Variants in BTBD9 observed in about 807,000 individuals in gnomAD.
BTBD9 encodes the protein BTB domain containing 9.
Under a neutral mutation model 64.3 loss-of-function variants are expected in BTBD9, and 49 were observed. The observed-to-expected ratio is 0.76, with a 90% CI of 0.61 to 0.97. The LOEUF (loss-of-function observed/expected upper bound fraction) is 0.97. Ranked by LOEUF, BTBD9 falls within the 50% of genes least tolerant of loss-of-function variation. BTBD9 has a pLI of 0.00. For synonymous variants in BTBD9, 260 were observed against 274.7 expected (o/e 0.95, Z 0.53); for missense variants, 598 against 762.1 (o/e 0.78, Z 2.53).
intron 7 of BTBD9, among the ~76,000 whole-genome samples, chr6:38,300,580 T>A (rs1183640779): frequency 6.6e-6 from 1 of 152,174 alleles, no homozygotes; most frequent in Admixed American, 6.5e-5. Context: ...TTCACATCCC[T>A]TGTAAGTTGG....
At chr6:38,404,587 T>C (rs755139325) in intron 6 of BTBD9, among the ~76,000 whole-genome samples, 11 of 152,156 alleles carry the variant, frequency 7.2e-5, no homozygotes, top group Admixed American at 1.3e-4. Context: ...TAACTCTTCA[T>C]CCCTGAGCCT....
intron 6 of BTBD9, among the ~76,000 whole-genome samples, chr6:38,475,881 C>A (rs1035924476): frequency 2.2e-4 from 34 of 152,108 alleles, no homozygotes; most frequent in African/African-American, 8.0e-4. Context: ...CTCTGAGAGT[C>A]TCAGAGAATC....
intron 6 of BTBD9, among the ~76,000 whole-genome samples, chr6:38,368,855 C>T (rs1765298945): frequency 6.6e-6 from 1 of 152,170 alleles, no homozygotes; most frequent in African/African-American, 2.4e-5. Context: ...GGGTATTCTT[C>T]AATCACAATT....
In BTBD9 at chr6:38,245,757, G is replaced by A. The variant is rs1307209620; in HGVS notation, c.1562+10652C>T. Among the ~76,000 whole-genome samples, 5 of 152,022 alleles carry A rather than the reference G, an allele frequency of 3.3e-5. No homozygotes were observed. The East Asian group carries it at 9.6e-4, about 29-fold the overall frequency. Reference sequence around the variant, plus strand: ...GTGGAACAGGTAAGTGATGATGGTAGGTGAACTAAATGTGATCTTGATTTA... The same window carrying A: ...GTGGAACAGGTAAGTGATGATGGTAAGTGAACTAAATGTGATCTTGATTTA... On this transcript the variant is annotated intron_variant, in intron 9 of 10. Transcript: ENST00000481247.
chr6:38,319,001 C>T (rs1763132569), intron 7 of BTBD9, among the ~76,000 whole-genome samples: 1 of 152,226 alleles, frequency 6.6e-6, no homozygotes, highest in Admixed American at 6.5e-5. Flanking sequence ...CTTCCCACCC[C>T]TTGCCCCAGC....
intron 6 of BTBD9, among the ~76,000 whole-genome samples, chr6:38,445,715 T>C (rs757272275): frequency 3.9e-5 from 6 of 152,224 alleles, no homozygotes; most frequent in Admixed American, 6.5e-5. Context: ...TCTAAATGAC[T>C]ATATATTGAA....
chr6:38,192,097 C>T (rs10947717), intron 10 of BTBD9, among the ~76,000 whole-genome samples: 12,159 of 152,310 alleles, frequency 0.08, 566 homozygotes, highest in Non-Finnish European at 0.11. Flanking sequence ...CGGAGGCACA[C>T]GCTTGACACA....
intron 9 of BTBD9, among the ~76,000 whole-genome samples, chr6:38,198,461 C>T (rs1045701722): frequency 5.9e-5 from 9 of 152,286 alleles, no homozygotes; most frequent in South Asian, 2.1e-4. Context: ...CCATAAGTGA[C>T]GAGAGAAAGG....
intron 6 of BTBD9, among the ~76,000 whole-genome samples, chr6:38,468,930 T>A (rs1301306150): frequency 1.3e-5 from 2 of 152,208 alleles, no homozygotes; most frequent in Non-Finnish European, 2.9e-5. Flanking sequence ...ACTTTGACTA[T>A]GTAGGGAAAA....
chr6:38,222,386 G>A lies in BTBD9; in HGVS notation c.1563-29789C>T, dbSNP rs185938025. Among the ~76,000 whole-genome samples the A allele has an allele frequency of 5.8e-3, 840 of 143,958 alleles. 2 individuals carry two copies. Among genetic ancestry groups the A allele is most frequent in the South Asian group, 9.8e-3 (42 of 4,290 alleles). The allele number at this position is 143,958 out of a possible 152,430, so 94.4% of individuals were successfully genotyped here. On this transcript the variant is annotated intron_variant, in intron 9 of 10. Coordinates refer to ENST00000481247, the MANE Select transcript of BTBD9 (RefSeq NM_001099272.2). ...CGCCATTCTCCTGCCTCAGCCTCCC[G>A]AGTAGCTGGGACTACAGGTGCCCGC...
At chr6:38,312,674 G>A (rs372632276) in intron 7 of BTBD9, among the ~76,000 whole-genome samples, 178 of 152,174 alleles carry the variant, frequency 1.2e-3, no homozygotes, top group African/African-American at 4.1e-3. Context: ...CCTTTTCTCC[G>A]GTATATATTC....
chr6:38,444,880 A>T (rs1769198165), intron 6 of BTBD9, among the ~76,000 whole-genome samples: 1 of 152,218 alleles, frequency 6.6e-6, no homozygotes, highest in South Asian at 2.1e-4. Flanking sequence ...AGATTTATTC[A>T]TTTATTCATA....
In BTBD9 at chr6:38,184,814, T is replaced by G. The variant is rs1029656408; in HGVS notation, c.1641+7705A>C. On this transcript the variant is annotated intron_variant, in intron 10 of 10. Coordinates refer to ENST00000481247, the MANE Select transcript of BTBD9 (RefSeq NM_001099272.2). The surrounding 1 kb of genome is among the most constrained non-coding windows in gnomAD (Gnocchi z 4.4). The stretch of plus-strand genomic sequence containing the variant: ...GTTTCCCTGTTTTGTTTTTTTCCAT[T>G]AGAGCCACATGTTGCTATGGGAACG... 1.3e-5 allele frequency among the ~76,000 whole-genome samples: 2 copies of G among 152,240 alleles called. No individual in the cohort carries two copies. The highest frequency in any genetic ancestry group is 2.1e-4 in the South Asian group (1 of 4,824).
At chr6:38,606,879 T>C (rs1301642545) in intron 1 of BTBD9, among the ~76,000 whole-genome samples, 1 of 152,138 alleles carries the variant, frequency 6.6e-6, no homozygotes, top group African/African-American at 2.4e-5. Flanking sequence ...ACATACCCAA[T>C]AAGTAGCAGA....
intron 6 of BTBD9, among the ~76,000 whole-genome samples, chr6:38,553,189 TTCTA>T (rs1354571714): frequency 6.6e-6 from 1 of 152,190 alleles, no homozygotes; most frequent in Non-Finnish European, 1.5e-5. Context: ...CTGCAGTTGG[TTCTA>T]TCTGTGGATA....
intron 9 of BTBD9, among the ~76,000 whole-genome samples, chr6:38,210,077 G>C (rs1762778101): frequency 6.6e-6 from 1 of 152,058 alleles, no homozygotes; most frequent in African/African-American, 2.4e-5. Context: ...GGGGAGACAG[G>C]GGAAGGGGGT....
chr6:38,271,986 G>A (rs1406592926), intron 8 of BTBD9, among the ~76,000 whole-genome samples: 1 of 151,304 alleles, frequency 6.6e-6, no homozygotes, highest in Non-Finnish European at 1.5e-5. Context: ...GGGGAGGGGG[G>A]GAAGCAGCAG....
At chr6:38,590,526 T>C (rs1179889957) in intron 4 of BTBD9, among the ~76,000 whole-genome samples, 3 of 152,166 alleles carry the variant, frequency 2.0e-5, no homozygotes, top group Non-Finnish European at 4.4e-5. Context: ...AGAACATCTA[T>C]TTAAGATCAA....
In BTBD9 at chr6:38,465,713, AT is replaced by A. The variant is rs1225280040; in HGVS notation, c.1154+111886del. 2.7e-4 allele frequency among the ~76,000 whole-genome samples: 6 copies of A among 22,450 alleles called. 1 individual carries two copies. Among genetic ancestry groups the A allele is most frequent in the African/African-American group, 6.3e-4 (3 of 4,752 alleles). The allele number at this position is 22,450 out of a possible 152,430, so 14.7% of individuals were successfully genotyped here. A position where few individuals can be genotyped will look rare whatever the true frequency, so the allele number is the denominator to read the frequency against. On this transcript the variant is annotated intron_variant, in intron 6 of 10. Transcript: ENST00000481247. Reference sequence around the variant, plus strand: ...AAATAAATAAATAAATAAATTATATATATATATATATATATATATATATATA... The same window carrying A: ...AAATAAATAAATAAATAAATTATATAATATATATATATATATATATATATA...
Sources: allele counts gnomAD v4.1 joint callset (sites outside exome capture counted in the v4.1 genomes callset), GRCh38; gene constraint gnomAD v4.1.1; non-coding constraint Gnocchi (gnomAD v3.1); transcripts MANE v1.5; gene names NCBI Gene and HGNC (gene_info 2026-07-23, HGNC 2026-07-21).